The following PARD3B variants were observed in gnomAD, a reference collection of about 807,000 sequenced individuals.
PARD3B encodes par-3 family cell polarity regulator beta, also known as partitioning defective 3 homolog B.
PARD3B carries 103 observed loss-of-function variants against 130.2 expected under a neutral mutation model. The ratio of observed to expected loss-of-function variants is 0.79; its 90% CI spans 0.67 to 0.93. The LOEUF (loss-of-function observed/expected upper bound fraction) is 0.93, where lower values mean the gene tolerates loss of function less well. Among genes scored for constraint, PARD3B ranks in the 40% least tolerant of loss-of-function variants. PARD3B has a pLI of 0.00. For missense variants in PARD3B, 1,609 were observed against 1,499.2 expected (o/e 1.07, Z -1.21); for synonymous variants, 583 against 553.2 (o/e 1.05, Z -0.76).
At chr2:205,000,953 C>T (rs1694783446) in intron 3 of PARD3B, among the ~76,000 whole-genome samples, 1 of 152,018 alleles carries the variant, frequency 6.6e-6, no homozygotes, top group Non-Finnish European at 1.5e-5. Flanking sequence ...GTAACTTTGA[C>T]TTTACTGTAT....
intron 15 of PARD3B, among the ~76,000 whole-genome samples, chr2:205,220,985 C>T (rs1471756362): frequency 6.6e-6 from 1 of 152,098 alleles, no homozygotes; most frequent in Non-Finnish European, 1.5e-5. Flanking sequence ...CTGTGGAAGC[C>T]TTTGGATTTT....
intron 2 of PARD3B, among the ~76,000 whole-genome samples, chr2:204,727,895 TCA>T (rs1204105312): frequency 3.3e-5 from 5 of 152,100 alleles, no homozygotes; most frequent in Non-Finnish European, 5.9e-5. Flanking sequence ...GCCAGACCAC[TCA>T]GTGGTCAGTG....
Position 204,890,260 on chromosome 2 carries a change from A to G in PARD3B, c.223-74892A>G. Among the ~76,000 whole-genome samples the G allele has an allele frequency of 6.6e-6, 1 of 152,240 alleles. No individual in the cohort carries two copies. The highest frequency in any genetic ancestry group is 1.9e-4 in the East Asian group (1 of 5,200). On this transcript the variant is annotated intron_variant, in intron 2 of 22. Coordinates refer to ENST00000406610, the MANE Select transcript of PARD3B (RefSeq NM_001302769.2). The surrounding 1 kb of genome is among the most constrained non-coding windows in gnomAD (Gnocchi z 4.9). Reference sequence around the variant, plus strand: ...TATGCTTTGGTTCAGAACTGCATACATAGTAGGCATTTTATAAATACTTAC... The same window carrying G: ...TATGCTTTGGTTCAGAACTGCATACGTAGTAGGCATTTTATAAATACTTAC...
chr2:204,665,027 A>G (rs1316436794), intron 1 of PARD3B, among the ~76,000 whole-genome samples: 2 of 152,084 alleles, frequency 1.3e-5, no homozygotes, highest in African/African-American at 4.8e-5. Flanking sequence ...CTGATTTAGG[A>G]ATGTTAAGAA....
At chr2:205,209,853 G>T (rs2037527458) in intron 15 of PARD3B, among the ~76,000 whole-genome samples, 2 of 151,950 alleles carry the variant, frequency 1.3e-5, no homozygotes, top group Admixed American at 6.6e-5. Context: ...GTATGACAGA[G>T]TGACTATAGT....
intron 2 of PARD3B, among the ~76,000 whole-genome samples, chr2:204,698,521 G>C (rs928547408): frequency 4.6e-5 from 7 of 151,806 alleles, no homozygotes; most frequent in Middle Eastern, 3.4e-3. Flanking sequence ...TTATTTTAAA[G>C]TCTTTGTTAT....
chr2:205,533,077 C>T (rs1452251044), intron 21 of PARD3B, among the ~76,000 whole-genome samples: 3 of 152,082 alleles, frequency 2.0e-5, no homozygotes, highest in Admixed American at 6.6e-5. Context: ...GTTATAATAA[C>T]ACAAAATCAC....
chr2:204,743,443 G>T (rs1353212395), intron 2 of PARD3B, among the ~76,000 whole-genome samples: 1 of 152,088 alleles, frequency 6.6e-6, no homozygotes, highest in African/African-American at 2.4e-5. Flanking sequence ...TAGAGGACAT[G>T]TACATATCTT....
Position 204,625,651 on chromosome 2 carries a change from T to G in PARD3B, c.121-60530T>G, listed in dbSNP as rs149386817. 2.5e-4 allele frequency among the ~76,000 whole-genome samples: 38 copies of G among 152,336 alleles called. No homozygotes were observed. In the Middle Eastern group the frequency reaches 0.01, roughly 41 times the overall value. Reference sequence around the variant, plus strand: ...ATTAAAGCAATACATTGCTATTAGCTCTAGGTATATTTATAACACATGCCT... The same window carrying G: ...ATTAAAGCAATACATTGCTATTAGCGCTAGGTATATTTATAACACATGCCT... On this transcript the variant is annotated intron_variant, in intron 1 of 22. Transcript: ENST00000406610.
rs112373235 is a variant in PARD3B at position 204,680,748 on chromosome 2, G to A, written c.121-5433G>A. ...TCATTGCCTTTATTTTTCATCTATG[G>A]ATTTTTCAGTACTGTATTTCCTAAT... On this transcript the variant is annotated intron_variant, in intron 1 of 22. Transcript: ENST00000406610. 2.8e-3 allele frequency among the ~76,000 whole-genome samples: 418 copies of A among 151,782 alleles called. 1 individual carries two copies. The highest frequency in any genetic ancestry group is 9.3e-3 in the African/African-American group (386 of 41,402).
chr2:205,237,455 G>A (rs1355725979), intron 15 of PARD3B, among the ~76,000 whole-genome samples: 2 of 152,092 alleles, frequency 1.3e-5, no homozygotes, highest in African/African-American at 4.8e-5. Flanking sequence ...TTTAGTAAAA[G>A]CAATTTTTAA....
intron 4 of PARD3B, among the ~76,000 whole-genome samples, chr2:205,098,758 G>A (rs1212512347): frequency 2.0e-5 from 3 of 152,070 alleles, no homozygotes; most frequent in Admixed American, 6.6e-5. Context: ...CAGCCTGTGA[G>A]CACTTGCAGT....
At chr2:204,663,356 A>G (rs975166811) in intron 1 of PARD3B, among the ~76,000 whole-genome samples, 2 of 152,194 alleles carry the variant, frequency 1.3e-5, no homozygotes, top group African/African-American at 4.8e-5. Context: ...TATCACCCGC[A>G]TCCCTTAGTT....
chr2:205,430,418 G>A (rs181593774), intron 19 of PARD3B, among the ~76,000 whole-genome samples: 6 of 152,264 alleles, frequency 3.9e-5, no homozygotes, highest in African/African-American at 1.2e-4. Context: ...TATGATAAAC[G>A]TTAGTCACGT....
Position 205,381,175 on chromosome 2 carries a change from T to TATATATAAAGAATATATATTATATATA in PARD3B, c.2631-19803_2631-19777dup, listed in dbSNP as rs1372154281. ...TATAATATATATAAAGAATATATAATATATATAAAGAATATATATTATATA... is the reference window on the plus strand; with the variant it reads ...TATAATATATATAAAGAATATATAATATATATAAAGAATATATATTATATATAATATATAAAGAATATATATTATATA... On this transcript the variant is annotated intron_variant, in intron 18 of 22. Transcript: ENST00000406610. Among the ~76,000 whole-genome samples the TATATATAAAGAATATATATTATATATA allele has an allele frequency of 2.3e-3, 274 of 119,894 alleles. 7 individuals are homozygous for TATATATAAAGAATATATATTATATATA. The highest frequency in any genetic ancestry group is 8.8e-3 in the African/African-American group (256 of 29,188). The allele number at this position is 119,894 out of a possible 152,430, so 78.7% of individuals were successfully genotyped here. A position where few individuals can be genotyped will look rare whatever the true frequency, so the allele number is the denominator to read the frequency against.
At chr2:205,599,677 C>T (rs1386695480) in intron 22 of PARD3B, among the ~76,000 whole-genome samples, 1 of 152,084 alleles carries the variant, frequency 6.6e-6, no homozygotes, top group African/African-American at 2.4e-5. Context: ...GATTTTAGCC[C>T]TGGATTTTTC....
At chr2:205,471,760 C>A (rs1196556279) in intron 20 of PARD3B, among the ~76,000 whole-genome samples, 4 of 152,166 alleles carry the variant, frequency 2.6e-5, no homozygotes, top group African/African-American at 9.7e-5. Context: ...TTCAAAGTAA[C>A]CTATTGTCTG....
At chr2:205,246,421 C>G (rs368859995) in intron 16 of PARD3B, among the ~76,000 whole-genome samples, 6 of 152,192 alleles carry the variant, frequency 3.9e-5, no homozygotes, top group African/African-American at 1.4e-4. Flanking sequence ...GCTGTTTTTT[C>G]ATTGCCAAGT....
chr2:205,218,973 G>A (rs1173951089), intron 15 of PARD3B, among the ~76,000 whole-genome samples: 1 of 152,008 alleles, frequency 6.6e-6, no homozygotes, highest in African/African-American at 2.4e-5. Context: ...CCAGCTACTC[G>A]GGAGGCTGAA....
Sources: gnomAD v4.1 joint callset for allele counts (sites outside exome capture counted in the v4.1 genomes callset) on GRCh38, gnomAD v4.1.1 for gene constraint, Gnocchi (gnomAD v3.1) non-coding constraint, MANE v1.5 for transcripts, NCBI Gene and HGNC (gene_info 2026-07-23, HGNC 2026-07-21) for gene names.